Variants in TFEC observed in about 807,000 individuals in gnomAD.
TFEC encodes transcription factor EC.
TFEC carries 31 observed loss-of-function variants against 41.6 expected under a neutral mutation model. The observed-to-expected ratio is 0.74, with a 90% confidence interval of 0.56 to 1.01. The LOEUF is 1.01. Among genes scored for constraint, TFEC ranks in the 50% least tolerant of loss-of-function variants. TFEC has a pLI of 0.00. For missense variants in TFEC, 402 were observed against 404.1 expected (o/e 0.99, Z 0.04); for synonymous variants, 143 against 140.6 (o/e 1.02, Z -0.12).
chr7:116,114,733 T>A (rs1421456403), intron 1 of TFEC, among the ~76,000 whole-genome samples: 1 of 151,890 alleles, frequency 6.6e-6, no homozygotes, highest in Middle Eastern at 3.2e-3. Flanking sequence ...AAAAGCAGCA[T>A]CCGAGAAATG....
At chr7:116,060,722 GGAA>G (rs1796534597) in intron 3 of TFEC, among the ~76,000 whole-genome samples, 1 of 152,076 alleles carries the variant, frequency 6.6e-6, no homozygotes, top group African/African-American at 2.4e-5. Context: ...TGGGGAGATG[GGAA>G]GAAGGAGAGG....
Position 116,030,678 on chromosome 7 carries a change from A to C in TFEC, c.-118T>G. On this transcript the variant is annotated 5_prime_UTR_variant, in exon 1 of 8. Coordinates refer to ENST00000265440, the MANE Select transcript of TFEC (RefSeq NM_012252.4). Reference sequence around the variant, plus strand: ...CAGTGTTGTCATCTCTACAAACAGCACCAAATTATAATCCCTCTTCCCATA... The same window carrying C: ...CAGTGTTGTCATCTCTACAAACAGCCCCAAATTATAATCCCTCTTCCCATA... The C allele has an allele frequency of 1.0e-6, 1 of 985,420 alleles. No homozygotes were observed. Among genetic ancestry groups the C allele is most frequent in the Non-Finnish European group, 1.2e-6 (1 of 829,942 alleles). The allele number at this position is 985,420 out of a possible 1,614,324, so 61.0% of individuals were successfully genotyped here.
chr7:115,956,515 T>C (rs1792238016), intron 4 of TFEC, among the ~76,000 whole-genome samples, 164 bp downstream of exon 4: 1 of 152,022 alleles, frequency 6.6e-6, no homozygotes, highest in Non-Finnish European at 1.5e-5. Context: ...TTATTTTAAC[T>C]TACTGCTTGA....
chr7:116,113,939 T>C (rs1411262153), intron 1 of TFEC, among the ~76,000 whole-genome samples: 5 of 151,998 alleles, frequency 3.3e-5, no homozygotes, highest in Non-Finnish European at 7.4e-5. Flanking sequence ...GAACCTTTCA[T>C]TCATCATTAG....
rs977533959 is a variant in TFEC at position 115,951,077 on chromosome 7, A to G, written c.440-128T>C. ...ACTTTCCATTTAGTCAAAAGATAAT[A>G]CTTCTCAAGAATAAAATAAAAATTC... On this transcript the variant is annotated intron_variant, in intron 5 of 7. Coordinates refer to ENST00000265440, the MANE Select transcript of TFEC (RefSeq NM_012252.4). 1.3e-5 allele frequency: 6 copies of G among 448,956 alleles called. 1 individual carries two copies. The highest frequency in any genetic ancestry group is 8.5e-5 in the Admixed American group (2 of 23,650). 27.8% of individuals were successfully genotyped at this position (448,956 alleles called of 1,614,324 possible).
At chr7:116,003,367 G>A (rs1794671514) in intron 1 of TFEC, among the ~76,000 whole-genome samples, 1 of 152,100 alleles carries the variant, frequency 6.6e-6, no homozygotes, top group Non-Finnish European at 1.5e-5. Context: ...AGGCCTCACA[G>A]CAAGGTAAGT....
At chr7:115,992,628 C>G (rs1469760934) in intron 1 of TFEC, among the ~76,000 whole-genome samples, 1 of 152,110 alleles carries the variant, frequency 6.6e-6, no homozygotes, top group Non-Finnish European at 1.5e-5. Flanking sequence ...TTCCTGGATA[C>G]ATACAACCTC....
chr7:116,138,417 G>A (rs1008209843), intron 1 of TFEC, among the ~76,000 whole-genome samples: 1 of 152,118 alleles, frequency 6.6e-6, no homozygotes, highest in Non-Finnish European at 1.5e-5. Flanking sequence ...CAGAAGCTCT[G>A]ATCTCATATA....
intron 1 of TFEC, among the ~76,000 whole-genome samples, chr7:116,148,702 C>T (rs976656708): frequency 1.3e-5 from 2 of 152,112 alleles, no homozygotes; most frequent in Non-Finnish European, 2.9e-5. Context: ...AAGACATCAG[C>T]AATTTTCTTC....
chr7:115,944,739 C>A (rs940508368), intron 6 of TFEC, among the ~76,000 whole-genome samples: 5 of 151,360 alleles, frequency 3.3e-5, no homozygotes, highest in Admixed American at 3.3e-4. Context: ...GGTTTCCTCT[C>A]TCAATTCAGT....
intron 1 of TFEC, among the ~76,000 whole-genome samples, chr7:116,006,649 T>C (rs1358022134): frequency 2.0e-5 from 3 of 152,078 alleles, no homozygotes; most frequent in African/African-American, 7.2e-5. Context: ...GACATTTGAG[T>C]TAATGCTGAA....
intron 3 of TFEC, among the ~76,000 whole-genome samples, chr7:116,043,517 T>C (rs1796089321): frequency 6.6e-6 from 1 of 152,154 alleles, no homozygotes; most frequent in East Asian, 1.9e-4. Context: ...ACATAAGCAT[T>C]TAAGTAAAAA....
chr7:115,978,325 T>C, intron 2 of TFEC, among the ~76,000 whole-genome samples: 1 of 152,184 alleles, frequency 6.6e-6, no homozygotes, highest in East Asian at 1.9e-4. Context: ...CGTATACACC[T>C]AAAAATATAT....
At chr7:116,151,655 A>AT (rs200704796) in intron 1 of TFEC, among the ~76,000 whole-genome samples, 1,601 of 150,148 alleles carry the variant, frequency 0.011, 17 homozygotes, top group Middle Eastern at 0.045. Context: ...TTACAATGGA[A>AT]TTTTTTTTTT....
At chr7:116,079,300 A>G (rs1030234023) in intron 3 of TFEC, among the ~76,000 whole-genome samples, 2 of 152,086 alleles carry the variant, frequency 1.3e-5, no homozygotes, top group Non-Finnish European at 2.9e-5. Flanking sequence ...CACCACTTCT[A>G]TTGAACATAG....
At chr7:116,158,635 T>G (rs1451799510) in intron 1 of TFEC, among the ~76,000 whole-genome samples, 1 of 152,108 alleles carries the variant, frequency 6.6e-6, no homozygotes, top group Non-Finnish European at 1.5e-5. Flanking sequence ...TGTTCTGAAG[T>G]ACAAAAATAT....
chr7:115,939,712 G>C lies in TFEC; in HGVS notation c.*839C>G, dbSNP rs1445892443. 6.6e-6 allele frequency: 1 copy of C among 151,996 alleles called. No homozygotes were observed. Among genetic ancestry groups the C allele is most frequent in the East Asian group, 1.9e-4 (1 of 5,156 alleles). 9.4% of individuals were successfully genotyped at this position (151,996 alleles called of 1,614,324 possible). A position where few individuals can be genotyped will look rare whatever the true frequency, so the allele number is the denominator to read the frequency against. ...AAAAGAGAATTTGGAATGTGATTCT[G>C]ATGCAGTCAGAAGCATGAAGAAAAC... On this transcript the variant is annotated 3_prime_UTR_variant, in exon 8 of 8. Coordinates refer to ENST00000265440, the MANE Select transcript of TFEC (RefSeq NM_012252.4).
At chr7:116,056,942 A>G (rs989713743) in intron 3 of TFEC, among the ~76,000 whole-genome samples, 13 of 152,112 alleles carry the variant, frequency 8.5e-5, no homozygotes, top group Non-Finnish European at 1.9e-4. Context: ...CCATATGTTT[A>G]GAAAATTATG....
At chr7:116,121,554 T>A (rs552095150) in intron 1 of TFEC, 2 of 152,096 alleles carry the variant, frequency 1.3e-5, no homozygotes, top group South Asian at 4.2e-4. Flanking sequence ...GTTAAGATGG[T>A]GAGTTTTAGG....
Sources: allele counts gnomAD v4.1 joint callset (sites outside exome capture counted in the v4.1 genomes callset), GRCh38; gene constraint gnomAD v4.1.1; transcripts MANE v1.5; gene names NCBI Gene and HGNC (gene_info 2026-07-23, HGNC 2026-07-21).